Variants in GRID2 observed in about 807,000 individuals in gnomAD.
The protein encoded by GRID2 is glutamate receptor ionotropic, delta-2.
In GRID2, 33 loss-of-function variants were observed where a neutral mutation model predicts 114.8. The observed-to-expected ratio is 0.29, with a 90% CI of 0.22 to 0.38. GRID2 has a LOEUF of 0.38. GRID2 is among the 10% of genes least tolerant of loss of function. The probability of loss-of-function intolerance (pLI) is 1.00; values close to 1 mark genes in which losing one functional copy is unlikely to be tolerated. For synonymous variants in GRID2, 505 were observed against 449.9 expected (o/e 1.12, Z -1.55); for missense variants, 1,184 against 1,257.7 (o/e 0.94, Z 0.89).
At chr4:92,418,579 A>T (rs1037357538) in intron 1 of GRID2, among the ~76,000 whole-genome samples, 3 of 152,082 alleles carry the variant, frequency 2.0e-5, no homozygotes, top group Non-Finnish European at 2.9e-5. Flanking sequence ...CAGATCAGAG[A>T]TTTAAATATG....
chr4:92,881,186 A>T (rs1447827278), intron 2 of GRID2, among the ~76,000 whole-genome samples: 1 of 152,198 alleles, frequency 6.6e-6, no homozygotes, highest in Non-Finnish European at 1.5e-5. Context: ...TACAGGCGTG[A>T]GCCACCCAGC....
intron 1 of GRID2, among the ~76,000 whole-genome samples, chr4:93,802,232 A>G (rs769352289): frequency 6.6e-6 from 1 of 152,254 alleles, no homozygotes; most frequent in African/African-American, 2.4e-5. Flanking sequence ...GAAAGGGGCC[A>G]GGCAAAGTGT....
intron 8 of GRID2, among the ~76,000 whole-genome samples, chr4:93,317,754 A>G (rs1383545995): frequency 6.6e-6 from 1 of 151,670 alleles, no homozygotes; most frequent in Non-Finnish European, 1.5e-5. Flanking sequence ...ATCTCTTCAT[A>G]TAGGGAGTAT....
At position 93,534,901 on chromosome 4, in the gene GRID2, A is replaced by G. The variant is rs188807724; in HGVS notation, c.2193+19490A>G. 3.0e-4 allele frequency among the ~76,000 whole-genome samples: 45 copies of G among 147,754 alleles called. No homozygotes were observed. In the East Asian group the frequency reaches 7.8e-3, roughly 25 times the overall value. ...AGATCTACTCGCTGAGCAAATTTCT[A>G]GTATACAGTATGTTGTTATTAATCA... On this transcript the variant is annotated intron_variant, in intron 13 of 15. Coordinates refer to ENST00000282020, the MANE Select transcript of GRID2 (RefSeq NM_001510.4).
intron 8 of GRID2, among the ~76,000 whole-genome samples, chr4:93,308,962 G>A (rs530445901): frequency 6.6e-6 from 1 of 152,254 alleles, no homozygotes; most frequent in African/African-American, 2.4e-5. Context: ...CAGATTTTTA[G>A]CCAACAGCCA....
At chr4:93,723,216 A>G (rs1729545683) in intron 14 of GRID2, among the ~76,000 whole-genome samples, 1 of 152,240 alleles carries the variant, frequency 6.6e-6, no homozygotes, top group Non-Finnish European at 1.5e-5. Context: ...ACGGTCAGTC[A>G]TTACCATGTG....
chr4:92,427,707 A>T (rs1368670481), intron 1 of GRID2, among the ~76,000 whole-genome samples: 1 of 152,322 alleles, frequency 6.6e-6, no homozygotes, highest in Non-Finnish European at 1.5e-5. Context: ...AGACCAAGTT[A>T]TCTTGGTTTC....
At chr4:93,194,205 G>GA (rs561943963) in intron 4 of GRID2, among the ~76,000 whole-genome samples, 140 of 152,050 alleles carry the variant, frequency 9.2e-4, no homozygotes, top group Non-Finnish European at 1.5e-3. Context: ...GATGAAAAAA[G>GA]AAAAACAAAA....
chr4:93,388,057 A>T (rs1359903361), intron 8 of GRID2, among the ~76,000 whole-genome samples: 1 of 152,150 alleles, frequency 6.6e-6, no homozygotes, highest in Non-Finnish European at 1.5e-5. Context: ...CATACAAAAT[A>T]TATATTTAAA....
At chr4:93,771,231 T>C (rs112208645) in intron 15 of GRID2, among the ~76,000 whole-genome samples, 131 of 152,342 alleles carry the variant, frequency 8.6e-4, no homozygotes, top group African/African-American at 3.1e-3. Context: ...GTGAAAAATA[T>C]AAGGAACTTA....
chr4:92,895,405 A>ATATATAT (rs1560677408), intron 2 of GRID2, among the ~76,000 whole-genome samples: 1 of 146,056 alleles, frequency 6.8e-6, no homozygotes, highest in African/African-American at 2.6e-5. Context: ...ATATATATAT[A>ATATATAT]AACTGAAAGA....
At chr4:93,192,966 CAAATG>C (rs1415625931) in intron 4 of GRID2, among the ~76,000 whole-genome samples, 1 of 151,960 alleles carries the variant, frequency 6.6e-6, no homozygotes. Flanking sequence ...ACAAAAGAAA[CAAATG>C]AAAAGCAAAA....
intron 1 of GRID2, among the ~76,000 whole-genome samples, chr4:92,392,090 G>A (rs555118043): frequency 3.3e-5 from 5 of 152,226 alleles, no homozygotes; most frequent in African/African-American, 1.2e-4. Context: ...GGAATCAGAA[G>A]ATTTACATTG....
chr4:92,985,408 T>A (rs568874315), intron 2 of GRID2, among the ~76,000 whole-genome samples: 3 of 152,112 alleles, frequency 2.0e-5, no homozygotes, highest in South Asian at 2.1e-4. Flanking sequence ...CTAAATTTTT[T>A]TGTATTTTTT....
intron 1 of GRID2, among the ~76,000 whole-genome samples, chr4:92,581,214 T>A (rs1312684621): frequency 1.3e-5 from 2 of 151,330 alleles, no homozygotes; most frequent in Non-Finnish European, 3.0e-5. Flanking sequence ...TTTTTTTTTT[T>A]AGAAATAGTC....
chr4:93,445,564 A>G (rs1722018819), intron 10 of GRID2, among the ~76,000 whole-genome samples: 1 of 151,914 alleles, frequency 6.6e-6, no homozygotes, highest in Non-Finnish European at 1.5e-5. Context: ...TTGTTTTTAT[A>G]TTGGCCCAAC....
chr4:93,590,237 C>T (rs1307512589), intron 13 of GRID2, among the ~76,000 whole-genome samples: 29 of 150,408 alleles, frequency 1.9e-4, no homozygotes, highest in East Asian at 7.7e-4. Context: ...TTGTATAAGG[C>T]GTAAGGAAGG....
chr4:93,361,658 G>T (rs1761891757), intron 8 of GRID2, among the ~76,000 whole-genome samples: 1 of 151,800 alleles, frequency 6.6e-6, no homozygotes, highest in Non-Finnish European at 1.5e-5. Context: ...GATTATATCT[G>T]CATCTAGTTC....
At chr4:93,051,727 T>G (rs997537144) in intron 2 of GRID2, among the ~76,000 whole-genome samples, 3 of 152,018 alleles carry the variant, frequency 2.0e-5, no homozygotes, top group Admixed American at 6.6e-5. Flanking sequence ...TTGATTGAAG[T>G]TAGCATATAG....
Sources: allele counts gnomAD v4.1 joint callset (sites outside exome capture counted in the v4.1 genomes callset), GRCh38; gene constraint gnomAD v4.1.1; transcripts MANE v1.5; gene names NCBI Gene and HGNC (gene_info 2026-07-23, HGNC 2026-07-21).